The following DLGAP1 variants were observed in gnomAD, a reference collection of about 807,000 sequenced individuals.
DLGAP1 encodes disks large-associated protein 1.
DLGAP1 carries 11 observed loss-of-function variants against 90.8 expected under a neutral mutation model. That is an observed-to-expected ratio of 0.12 (90% confidence interval 0.08 to 0.20). DLGAP1 has a LOEUF of 0.20. Ranked by LOEUF, DLGAP1 falls within the 10% of genes least tolerant of loss-of-function variation. The pLI, the probability that DLGAP1 is intolerant of heterozygous loss-of-function variation, is 1.00. For missense variants in DLGAP1, 1,050 were observed against 1,333.8 expected (o/e 0.79, Z 3.31); for synonymous variants, 558 against 540.7 (o/e 1.03, Z -0.44).
At chr18:4,048,147 T>C (rs915372792) in intron 2 of DLGAP1, among the ~76,000 whole-genome samples, 3 of 152,176 alleles carry the variant, frequency 2.0e-5, no homozygotes, top group Admixed American at 6.5e-5. Context: ...ATCTCGACTA[T>C]CCCATGTTCA....
intron 1 of DLGAP1, among the ~76,000 whole-genome samples, chr18:4,188,218 T>A (rs2077333526): frequency 6.6e-6 from 1 of 152,178 alleles, no homozygotes; most frequent in Admixed American, 6.5e-5. Flanking sequence ...ACTTTTCTTT[T>A]ATCTCTATTT....
chr18:4,045,737 A>C (rs2075043895), intron 2 of DLGAP1, among the ~76,000 whole-genome samples: 1 of 150,426 alleles, frequency 6.6e-6, no homozygotes, highest in African/African-American at 2.4e-5. Flanking sequence ...CACGCCAAGT[A>C]TATTTTACCA....
At chr18:4,225,363 C>T (rs1043860256) in intron 1 of DLGAP1, among the ~76,000 whole-genome samples, 8 of 151,988 alleles carry the variant, frequency 5.3e-5, no homozygotes, top group Admixed American at 1.3e-4. Context: ...TGAAAACTAC[C>T]ATAAATACCT....
intron 7 of DLGAP1, among the ~76,000 whole-genome samples, chr18:3,585,985 C>T (rs952688348): frequency 6.6e-6 from 1 of 152,178 alleles, no homozygotes; most frequent in Admixed American, 6.6e-5. Flanking sequence ...CTACACTCCC[C>T]AGGCCAACTG....
At chr18:3,832,767 A>G (rs996350749) in intron 4 of DLGAP1, among the ~76,000 whole-genome samples, 1 of 152,066 alleles carries the variant, frequency 6.6e-6, no homozygotes, top group African/African-American at 2.4e-5. Flanking sequence ...TGCTCTCAAT[A>G]TTACTGGAAG....
intron 5 of DLGAP1, among the ~76,000 whole-genome samples, chr18:3,778,650 T>C (rs1342653939): frequency 7.9e-5 from 12 of 152,004 alleles, no homozygotes; most frequent in Non-Finnish European, 1.8e-4. Context: ...GAGATTCAAA[T>C]CCCTTAAGAA....
At chr18:3,787,480 C>CAAAA (rs1189558362) in intron 5 of DLGAP1, among the ~76,000 whole-genome samples, 8 of 63,804 alleles carry the variant, frequency 1.3e-4, no homozygotes, top group African/African-American at 3.8e-4. Context: ...AACTCCATCT[C>CAAAA]AAAAAAAAAA....
chr18:4,383,497 G>C lies in DLGAP1; in HGVS notation c.-267+71509C>G, dbSNP rs1324036862. The stretch of plus-strand genomic sequence containing the variant: ...GGAGCTTGTACTAGAAACAGCATTA[G>C]ACAGGGAGATAAGAGACCTGGGTTT... On this transcript the variant is annotated intron_variant, in intron 1 of 12. Coordinates refer to ENST00000315677, the MANE Select transcript of DLGAP1 (RefSeq NM_004746.4). The surrounding 1 kb of genome is among the most constrained non-coding windows in gnomAD (Gnocchi z 4.0). Among the ~76,000 whole-genome samples the C allele has an allele frequency of 6.6e-6, 1 of 151,872 alleles. No homozygotes were observed.
At chr18:3,840,051 C>T (rs762021028) in intron 4 of DLGAP1, among the ~76,000 whole-genome samples, 1 of 152,230 alleles carries the variant, frequency 6.6e-6, no homozygotes, top group Non-Finnish European at 1.5e-5. Flanking sequence ...CTAGCGCCAG[C>T]GTTGCAATTC....
chr18:4,443,290 T>C (rs1409998367), intron 1 of DLGAP1, among the ~76,000 whole-genome samples: 1 of 152,168 alleles, frequency 6.6e-6, no homozygotes, highest in Admixed American at 6.5e-5. Context: ...TGGCCATGAA[T>C]AAGCTCTGTT....
At chr18:3,520,551 G>C (rs1041963727) in intron 10 of DLGAP1, among the ~76,000 whole-genome samples, 1 of 152,068 alleles carries the variant, frequency 6.6e-6, no homozygotes, top group Admixed American at 6.6e-5. Context: ...AATCCACTAC[G>C]ACTGATGTCC....
intron 7 of DLGAP1, among the ~76,000 whole-genome samples, chr18:3,676,384 C>A (rs1400980915): frequency 6.6e-6 from 1 of 152,156 alleles, no homozygotes; most frequent in Non-Finnish European, 1.5e-5. Flanking sequence ...CTCGGAAGAC[C>A]CTTCTCTCAC....
intron 3 of DLGAP1, among the ~76,000 whole-genome samples, chr18:3,961,994 C>T (rs16945710): frequency 0.22 from 33,463 of 152,104 alleles, 3,729 homozygotes; most frequent in Admixed American, 0.23. Context: ...AGGATCCCTT[C>T]GCCGTGTATT....
intron 7 of DLGAP1, among the ~76,000 whole-genome samples, chr18:3,648,526 G>A (rs1275774970): frequency 2.6e-5 from 4 of 152,168 alleles, no homozygotes; most frequent in Non-Finnish European, 5.9e-5. Context: ...AAAATTAATA[G>A]TAAGGTCAGA....
chr18:3,735,813 C>T (rs1382470217), intron 6 of DLGAP1, among the ~76,000 whole-genome samples: 1 of 152,196 alleles, frequency 6.6e-6, no homozygotes, highest in East Asian at 1.9e-4. Context: ...AATATTATTG[C>T]CACCAATACC....
chr18:3,897,996 T>A (rs11877269), intron 3 of DLGAP1, among the ~76,000 whole-genome samples: 2,769 of 151,636 alleles, frequency 0.018, 48 homozygotes, highest in African/African-American at 0.038. Context: ...GGGTTTCACC[T>A]TGTTAGCCAG....
chr18:4,113,948 C>T (rs558419540), intron 2 of DLGAP1, among the ~76,000 whole-genome samples: 1 of 151,516 alleles, frequency 6.6e-6, no homozygotes, highest in African/African-American at 2.4e-5. Flanking sequence ...ACTAGGTTTT[C>T]TATTCTGTTC....
intron 7 of DLGAP1, among the ~76,000 whole-genome samples, chr18:3,675,373 C>A (rs945145611): frequency 1.3e-5 from 2 of 152,194 alleles, no homozygotes; most frequent in African/African-American, 4.8e-5. Flanking sequence ...CCGTACCCAG[C>A]CAGGGTTAGC....
At chr18:4,191,241 C>T (rs1185723095) in intron 1 of DLGAP1, among the ~76,000 whole-genome samples, 2 of 152,106 alleles carry the variant, frequency 1.3e-5, no homozygotes, top group Non-Finnish European at 2.9e-5. Flanking sequence ...TTCACAACTG[C>T]ATCATGAATT....
Sources: allele counts gnomAD v4.1 joint callset (sites outside exome capture counted in the v4.1 genomes callset), GRCh38; gene constraint gnomAD v4.1.1; non-coding constraint Gnocchi (gnomAD v3.1); transcripts MANE v1.5; gene names NCBI Gene and HGNC (gene_info 2026-07-23, HGNC 2026-07-21).